The following EIF4G3 variants were observed in gnomAD, a reference collection of about 807,000 sequenced individuals.
EIF4G3 encodes eukaryotic translation initiation factor 4 gamma 3.
A neutral mutation model predicts 186.4 loss-of-function variants in EIF4G3; 34 were observed. The observed-to-expected ratio is 0.18, with a 90% CI of 0.14 to 0.24. The LOEUF (loss-of-function observed/expected upper bound fraction) is 0.24, where lower values mean the gene tolerates loss of function less well. Ranked by LOEUF, EIF4G3 falls within the 10% of genes least tolerant of loss-of-function variation. The pLI is 1.00. For synonymous variants in EIF4G3, 673 were observed against 679.5 expected, an observed-to-expected ratio of 0.99 and a Z score of 0.15; for missense variants, 1,536 against 1,948.5, an observed-to-expected ratio of 0.79 and a Z score of 3.99.
chr1:21,065,779 AGTGT>A (rs1488414292), intron 3 of EIF4G3, among the ~76,000 whole-genome samples: 1 of 152,202 alleles, frequency 6.6e-6, no homozygotes. Context: ...GTATATAAAA[AGTGT>A]GTTTAATTAT....
At chr1:21,086,792 T>C (rs1469083599) in intron 3 of EIF4G3, among the ~76,000 whole-genome samples, 1 of 151,688 alleles carries the variant, frequency 6.6e-6, no homozygotes, top group Non-Finnish European at 1.5e-5. Flanking sequence ...ATACAAAAAT[T>C]AGCCAGGTGT....
At chr1:20,845,250 GAAGAT>G (rs1276079536) in intron 29 of EIF4G3, among the ~76,000 whole-genome samples, 1 of 152,176 alleles carries the variant, frequency 6.6e-6, no homozygotes, top group African/African-American at 2.4e-5. Flanking sequence ...CAGGTTTGTT[GAAGAT>G]AAGATAATTG....
intron 4 of EIF4G3, among the ~76,000 whole-genome samples, chr1:21,018,453 G>A (rs951581894): frequency 4.6e-5 from 7 of 151,880 alleles, no homozygotes; most frequent in African/African-American, 9.7e-5. Flanking sequence ...CCAGCTACTC[G>A]GGAGGTTGAG....
chr1:21,038,997 T>C (rs181101069), intron 4 of EIF4G3, among the ~76,000 whole-genome samples: 125 of 152,040 alleles, frequency 8.2e-4, no homozygotes, highest in Admixed American at 2.7e-3. Context: ...GCCAAAACAA[T>C]CTCGAAAAAG....
intron 14 of EIF4G3, among the ~76,000 whole-genome samples, chr1:20,918,570 T>C (rs2094163842): frequency 6.6e-6 from 1 of 152,170 alleles, no homozygotes. Flanking sequence ...CAACATGCTT[T>C]ATTTTCACTT....
intron 3 of EIF4G3, among the ~76,000 whole-genome samples, chr1:21,080,917 T>C (rs2095757493): frequency 6.6e-6 from 1 of 152,234 alleles, no homozygotes; most frequent in Non-Finnish European, 1.5e-5. Flanking sequence ...ATCTCTGCAA[T>C]TATATTAAAA....
intron 3 of EIF4G3, among the ~76,000 whole-genome samples, chr1:21,067,291 C>A (rs1301363148): frequency 6.6e-6 from 1 of 151,886 alleles, no homozygotes; most frequent in Non-Finnish European, 1.5e-5. Context: ...CACCACCATG[C>A]CTGGCTAATT....
At chr1:20,967,925 C>A (rs979779462) in intron 12 of EIF4G3, among the ~76,000 whole-genome samples, 1 of 152,122 alleles carries the variant, frequency 6.6e-6, no homozygotes, top group Non-Finnish European at 1.5e-5. Flanking sequence ...TAATAGCTTT[C>A]TTTTTATCTG....
intron 2 of EIF4G3, among the ~76,000 whole-genome samples, chr1:21,116,990 C>G (rs1201693732): frequency 6.6e-6 from 1 of 151,974 alleles, no homozygotes; most frequent in East Asian, 1.9e-4. Context: ...TTGGGTATTG[C>G]AAATTGGAAA....
intron 4 of EIF4G3, among the ~76,000 whole-genome samples, chr1:21,034,880 A>G (rs2093046793): frequency 6.6e-6 from 1 of 152,080 alleles, no homozygotes; most frequent in Non-Finnish European, 1.5e-5. Context: ...GCCTGGGCCC[A>G]GAATCTGCTC....
intron 2 of EIF4G3, among the ~76,000 whole-genome samples, chr1:21,090,946 G>A (rs989031043): frequency 2.6e-5 from 4 of 152,108 alleles, no homozygotes; most frequent in Non-Finnish European, 5.9e-5. Flanking sequence ...AGGCCAAGAT[G>A]TCAATGTCAA....
chr1:20,835,842 T>A (rs2154548670), intron 30 of EIF4G3, among the ~76,000 whole-genome samples: 1 of 151,632 alleles, frequency 6.6e-6, no homozygotes, highest in Non-Finnish European at 1.5e-5. Flanking sequence ...GAGGTTGAGA[T>A]GGGAGGATCA....
At chr1:21,168,176 G>A (rs1462659799) in intron 2 of EIF4G3, 1 of 371,002 alleles carries the variant, frequency 2.7e-6, no homozygotes, top group Non-Finnish European at 5.5e-6. Flanking sequence ...GGCTGAGGTG[G>A]GCAGATCACT....
At chr1:20,892,778 G>T in intron 18 of EIF4G3, 2 of 1,289,166 alleles carry the variant, frequency 1.6e-6, no homozygotes, top group Non-Finnish European at 2.1e-6. Context: ...TGTCATCAGA[G>T]ATCTCCAGTA....
chr1:20,865,613 G>A (rs558622969), intron 20 of EIF4G3, among the ~76,000 whole-genome samples: 41 of 150,666 alleles, frequency 2.7e-4, no homozygotes, highest in African/African-American at 6.8e-4. Flanking sequence ...AAGAAGTACC[G>A]TTGTAATAAG....
intron 3 of EIF4G3, among the ~76,000 whole-genome samples, chr1:21,068,681 T>C (rs773743028): frequency 3.3e-5 from 5 of 152,184 alleles, no homozygotes; most frequent in East Asian, 1.9e-4. Context: ...ATGGGGAATG[T>C]AATTATACCT....
intron 2 of EIF4G3, among the ~76,000 whole-genome samples, chr1:21,157,211 C>T (rs529680562): frequency 4.6e-5 from 7 of 152,186 alleles, no homozygotes; most frequent in Non-Finnish European, 8.8e-5. Context: ...CCACTGACCA[C>T]GACTCTGCCC....
At chr1:20,829,855 T>C (rs886443025) in intron 30 of EIF4G3, among the ~76,000 whole-genome samples, 8 of 152,234 alleles carry the variant, frequency 5.3e-5, no homozygotes, top group African/African-American at 1.9e-4. Context: ...GCTAATGGTT[T>C]CAGGCTTTTG....
At chr1:21,127,768 T>C (rs1458043685) in intron 2 of EIF4G3, among the ~76,000 whole-genome samples, 1 of 152,146 alleles carries the variant, frequency 6.6e-6, no homozygotes, top group Non-Finnish European at 1.5e-5. Flanking sequence ...GTACAGACAA[T>C]ACACTTTAAA....
Sources: allele counts gnomAD v4.1 joint callset (sites outside exome capture counted in the v4.1 genomes callset), GRCh38; gene constraint gnomAD v4.1.1; transcripts MANE v1.5; gene names NCBI Gene and HGNC (gene_info 2026-07-23, HGNC 2026-07-21).